The following PI4KA variants were observed in gnomAD, a reference collection of about 807,000 sequenced individuals.
PI4KA encodes PI4-kinase alpha.
In PI4KA, 122 loss-of-function variants were observed where a neutral mutation model predicts 271.4. The ratio of observed to expected loss-of-function variants is 0.45; its 90% confidence interval spans 0.39 to 0.52. The LOEUF (loss-of-function observed/expected upper bound fraction) is 0.52. Ranked by LOEUF, PI4KA falls within the 20% of genes least tolerant of loss-of-function variation. The pLI, the probability that PI4KA is intolerant of heterozygous loss-of-function variation, is 0.00. For missense variants in PI4KA, 1,969 were observed against 2,769.1 expected (o/e 0.71, Z 6.48); for synonymous variants, 1,041 against 1,078.8 (o/e 0.96, Z 0.69).
chr22:20,813,791 TTTTTTA>T (rs544406335), intron 7 of PI4KA, among the ~76,000 whole-genome samples: 24 of 152,258 alleles, frequency 1.6e-4, no homozygotes, highest in East Asian at 3.9e-4. Flanking sequence ...GAATTGTATC[TTTTTTA>T]TTTTTATTTT....
chr22:20,803,940 A>G (rs933468195), intron 12 of PI4KA, among the ~76,000 whole-genome samples: 1 of 152,228 alleles, frequency 6.6e-6, no homozygotes, highest in Non-Finnish European at 1.5e-5. Flanking sequence ...CAAGGTTAAG[A>G]GTCTCGGCAG....
At chr22:20,852,999 G>A (rs922251140) in intron 1 of PI4KA, among the ~76,000 whole-genome samples, 7 of 152,124 alleles carry the variant, frequency 4.6e-5, no homozygotes, top group South Asian at 2.1e-4. Flanking sequence ...CACTTTGGGC[G>A]GCCAAGAAAA....
intron 19 of PI4KA, chr22:20,779,528 G>A (rs1475826823): frequency 1.9e-6 from 3 of 1,613,972 alleles, no homozygotes; most frequent in African/African-American, 2.7e-5. Context: ...GGATTCCAGA[G>A]GGGGAGGAGG....
chr22:20,734,020 C>T (rs773453776), intron 34 of PI4KA, 23 bp downstream of exon 34: 2 of 1,555,814 alleles, frequency 1.3e-6, no homozygotes, highest in South Asian at 1.2e-5. Flanking sequence ...GGGCCCTGTG[C>T]TCCCCAGGAA....
At chr22:20,785,664 A>G (rs1278360428) in intron 19 of PI4KA, among the ~76,000 whole-genome samples, 1 of 152,192 alleles carries the variant, frequency 6.6e-6, no homozygotes, top group African/African-American at 2.4e-5. Flanking sequence ...AAAAAACCAA[A>G]TGCCTAAAAT....
At chr22:20,843,136 CTTCT>C (rs938774393) in intron 1 of PI4KA, among the ~76,000 whole-genome samples, 5 of 152,020 alleles carry the variant, frequency 3.3e-5, no homozygotes, top group East Asian at 3.9e-4. Context: ...TATTTAGTTC[CTTCT>C]TTATTATTTT....
intron 1 of PI4KA, among the ~76,000 whole-genome samples, chr22:20,843,186 A>G (rs1925809039): frequency 6.6e-6 from 1 of 152,074 alleles, no homozygotes; most frequent in African/African-American, 2.4e-5. Context: ...AAATATTGAT[A>G]ACTTTAGAAT....
rs180878014 is a variant in PI4KA, at chr22:20,721,547, G to A, written c.4996-129C>T. 4.7e-4 allele frequency: 427 copies of A among 914,304 alleles called. 1 individual carries two copies. Among genetic ancestry groups the A allele is most frequent in the African/African-American group, 4.6e-3 (278 of 61,018 alleles). 56.6% of individuals were successfully genotyped at this position (914,304 alleles called of 1,614,324 possible). A position where few individuals can be genotyped will look rare whatever the true frequency, so the allele number is the denominator to read the frequency against. ...AAGGCCCGGTGGCTCTAGTGGTGTG[G>A]ACAAGCTCTCCAGGATTGATGTTGA... On this transcript the variant is annotated intron_variant, in intron 42 of 54. Coordinates refer to ENST00000255882, the MANE Select transcript of PI4KA (RefSeq NM_058004.4).
intron 32 of PI4KA, among the ~76,000 whole-genome samples, chr22:20,741,894 A>G (rs1397622337): frequency 6.6e-6 from 1 of 152,236 alleles, no homozygotes; most frequent in African/African-American, 2.4e-5. Context: ...TAGGTCAAGA[A>G]AAACATTCCC....
At chr22:20,722,573 G>C (rs1926866224) in intron 42 of PI4KA, among the ~76,000 whole-genome samples, 1 of 151,992 alleles carries the variant, frequency 6.6e-6, no homozygotes, top group Non-Finnish European at 1.5e-5. Flanking sequence ...CTTCCTTCTT[G>C]GTCATTTTCC....
At chr22:20,805,981 CAGG>C (rs965296169) in intron 10 of PI4KA, among the ~76,000 whole-genome samples, 5 of 152,204 alleles carry the variant, frequency 3.3e-5, no homozygotes, top group Non-Finnish European at 5.9e-5. Flanking sequence ...CTGGAAAATT[CAGG>C]AGAACCACCA....
In PI4KA at chr22:20,805,155, G is replaced by A. The variant is rs139695136; in HGVS notation, c.1179C>T (p.Thr393=). The change falls in exon 11 of 55, where the codon ACC becomes ACT. Residue 393 remains threonine, a synonymous_variant. Transcript: ENST00000255882. ...DTLYYMKDLP[T]SFVKEIHDFV... ...AATCATGGATCTCCTTCACAAAAGA[G>A]GTCGGGAGGTCTGTAGGAAAGAGTG... 1 of 1,613,298 alleles carries A rather than the reference G, an allele frequency of 6.2e-7. No homozygotes were observed. Among genetic ancestry groups the A allele is most frequent in the South Asian group, 1.1e-5 (1 of 90,930 alleles).
rs529853475 is a variant in PI4KA at position 20,822,043 on chromosome 22, C to T, written c.457-1432G>A. On this transcript the variant is annotated intron_variant, in intron 4 of 54. Coordinates refer to ENST00000255882, the MANE Select transcript of PI4KA (RefSeq NM_058004.4). ...TGCGTGCCTGTGGTCAGGAGGCTGA[C>T]GTGTGAGGGTCACTTGAGCCCAGGA... is the stretch of plus-strand genomic sequence containing the variant. Among the ~76,000 whole-genome samples the T allele has an allele frequency of 3.2e-3, 490 of 152,218 alleles. 4 individuals carry two copies. Among genetic ancestry groups the T allele is most frequent in the African/African-American group, 0.011 (464 of 41,532 alleles).
At chr22:20,733,472 C>T (rs1156320859) in intron 35 of PI4KA, among the ~76,000 whole-genome samples, 3 of 149,122 alleles carry the variant, frequency 2.0e-5, no homozygotes, top group African/African-American at 7.5e-5. Context: ...ATTAAATGGA[C>T]GCACTTAATC....
intron 19 of PI4KA, among the ~76,000 whole-genome samples, chr22:20,791,033 G>A (rs1026171610): frequency 1.3e-5 from 2 of 152,050 alleles, no homozygotes; most frequent in Admixed American, 6.5e-5. Flanking sequence ...GCTCACACAC[G>A]ATCCCACATG....
intron 4 of PI4KA, among the ~76,000 whole-genome samples, chr22:20,822,466 A>G (rs1410038596): frequency 2.0e-5 from 3 of 152,222 alleles, no homozygotes; most frequent in Non-Finnish European, 1.5e-5. Context: ...ACAAAAACTC[A>G]TGGTATTAGC....
intron 19 of PI4KA, chr22:20,785,940 A>G: frequency 6.4e-7 from 1 of 1,559,748 alleles, no homozygotes; most frequent in Non-Finnish European, 8.8e-7. Flanking sequence ...TTAAAGGGAA[A>G]ATCATGATTC....
chr22:20,822,126 C>A (rs1922789962), intron 4 of PI4KA, among the ~76,000 whole-genome samples: 1 of 152,088 alleles, frequency 6.6e-6, no homozygotes. Flanking sequence ...CTCACTGTAG[C>A]CTCAAACTCC....
intron 11 of PI4KA, among the ~76,000 whole-genome samples, chr22:20,804,742 C>T (rs948085985): frequency 2.6e-5 from 4 of 152,224 alleles, no homozygotes; most frequent in Non-Finnish European, 4.4e-5. Context: ...CCTGAGGCCA[C>T]GGGCATCCCC....
Sources: gnomAD v4.1 joint callset for allele counts (sites outside exome capture counted in the v4.1 genomes callset) on GRCh38, gnomAD v4.1.1 for gene constraint, MANE v1.5 for transcripts, NCBI Gene and HGNC (gene_info 2026-07-23, HGNC 2026-07-21) for gene names.